The following MAML2 variants were observed in gnomAD, a reference collection of about 807,000 sequenced individuals.
The protein encoded by MAML2 is mastermind like transcriptional coactivator 2.
MAML2 carries 22 observed loss-of-function variants against 96.1 expected under a neutral mutation model. That is an observed-to-expected ratio of 0.23 (90% confidence interval 0.16 to 0.33). The LOEUF (loss-of-function observed/expected upper bound fraction) is 0.33, where lower values mean the gene tolerates loss of function less well. Ranked by LOEUF, MAML2 falls within the 10% of genes least tolerant of loss-of-function variation. The pLI is 1.00. For synonymous variants in MAML2, 561 were observed against 521.3 expected, an observed-to-expected ratio of 1.08 and a Z score of -1.04; for missense variants, 1,367 against 1,392.4, an observed-to-expected ratio of 0.98 and a Z score of 0.29.
chr11:96,173,652 A>T (rs16923175), intron 1 of MAML2, among the ~76,000 whole-genome samples: 2,728 of 152,330 alleles, frequency 0.018, 93 homozygotes, highest in African/African-American at 0.061. Flanking sequence ...CATGCAAGCC[A>T]CAGGAGACAG....
intron 1 of MAML2, among the ~76,000 whole-genome samples, chr11:96,299,081 A>ATATATATATATAT (rs1487119307): frequency 7.3e-5 from 10 of 136,334 alleles, no homozygotes; most frequent in Non-Finnish European, 1.2e-4. Context: ...ATATATATAT[A>ATATATATATATAT]AAATTTCACC....
intron 2 of MAML2, among the ~76,000 whole-genome samples, chr11:96,035,686 G>T (rs1241144139): frequency 6.6e-6 from 1 of 152,132 alleles, no homozygotes; most frequent in East Asian, 1.9e-4. Flanking sequence ...CCATTTTTTG[G>T]TATTCTCCCA....
chr11:96,117,121 CCAAGGGA>C (rs1388538999), intron 1 of MAML2, among the ~76,000 whole-genome samples: 1 of 151,738 alleles, frequency 6.6e-6, no homozygotes, highest in Non-Finnish European at 1.5e-5. Context: ...GGAGGGCATC[CCAAGGGA>C]AGTGAATCTA....
chr11:96,211,668 A>G (rs1861974085), intron 1 of MAML2, among the ~76,000 whole-genome samples: 1 of 152,180 alleles, frequency 6.6e-6, no homozygotes, highest in Non-Finnish European at 1.5e-5. Context: ...AAATGTGACA[A>G]GTTTATTGTA....
chr11:96,237,272 G>A (rs568054797), intron 1 of MAML2, among the ~76,000 whole-genome samples: 113 of 152,142 alleles, frequency 7.4e-4, no homozygotes, highest in African/African-American at 2.6e-3. Flanking sequence ...CTTCTCTCTC[G>A]CCCTCACAAA....
chr11:96,057,346 G>A (rs777105202), intron 2 of MAML2, among the ~76,000 whole-genome samples: 10 of 152,084 alleles, frequency 6.6e-5, no homozygotes, highest in African/African-American at 9.7e-5. Flanking sequence ...TGCAACTTAA[G>A]CCAAAATAAC....
At position 96,107,739 on chromosome 11, in the gene MAML2, A is replaced by G. The variant is rs544395679; in HGVS notation, c.514-14222T>C. The stretch of plus-strand genomic sequence containing the variant: ...AGGTTGCGTTGATCACCGGTGGCCA[A>G]TGATTTAATCAACCACGTCTATGTA... On this transcript the variant is annotated intron_variant, in intron 1 of 4. Coordinates refer to ENST00000524717, the MANE Select transcript of MAML2 (RefSeq NM_032427.4). Among the ~76,000 whole-genome samples the G allele has an allele frequency of 2.4e-4, 36 of 152,240 alleles. No individual in the cohort carries two copies. In the South Asian group the frequency reaches 5.2e-3, roughly 22 times the overall value.
intron 2 of MAML2, among the ~76,000 whole-genome samples, chr11:96,004,189 T>C (rs1858141648): frequency 1.3e-5 from 2 of 152,172 alleles, no homozygotes; most frequent in African/African-American, 2.4e-5. Flanking sequence ...GAAAGTATTA[T>C]GGTTTTGGGT....
chr11:95,981,272 C>G (rs1857731734), intron 4 of MAML2, among the ~76,000 whole-genome samples: 1 of 152,182 alleles, frequency 6.6e-6, no homozygotes, highest in Admixed American at 6.5e-5. Context: ...GAACAAGTGC[C>G]TAAGCCACAG....
Position 96,306,926 on chromosome 11 carries a change from G to A in MAML2, c.513+34457C>T, listed in dbSNP as rs547996950. 3.9e-5 allele frequency among the ~76,000 whole-genome samples: 6 copies of A among 152,284 alleles called. No individual in the cohort carries two copies. In the East Asian group the frequency reaches 1.2e-3, roughly 29 times the overall value. On this transcript the variant is annotated intron_variant, in intron 1 of 4. Transcript: ENST00000524717. Reference sequence around the variant, plus strand: ...GAGCAAACCCAGAGACTACCAAAATGTTAGGTTTGTTTATCATTTCCAAGT... The same window carrying A: ...GAGCAAACCCAGAGACTACCAAAATATTAGGTTTGTTTATCATTTCCAAGT...
chr11:96,213,077 C>T (rs569618620), intron 1 of MAML2, among the ~76,000 whole-genome samples: 1 of 152,166 alleles, frequency 6.6e-6, no homozygotes, highest in Non-Finnish European at 1.5e-5. Flanking sequence ...CTATTTTTAG[C>T]CTATTTTACA....
intron 3 of MAML2, among the ~76,000 whole-genome samples, chr11:95,989,517 G>A (rs1259550300): frequency 6.6e-6 from 1 of 152,158 alleles, no homozygotes; most frequent in African/African-American, 2.4e-5. Context: ...ATCAACCTCT[G>A]TGTGTTATAA....
intron 1 of MAML2, among the ~76,000 whole-genome samples, chr11:96,276,816 C>CAAAA (rs67291067): frequency 7.6e-5 from 6 of 78,636 alleles, no homozygotes; most frequent in Admixed American, 1.5e-4. Context: ...TTCTCAGACC[C>CAAAA]AAAAAAAAAA....
rs761120695 is a variant in MAML2, at chr11:95,979,209, A to T, written c.3210T>A (p.Asn1070Lys). 6.2e-7 allele frequency: 1 copy of T among 1,613,976 alleles called. No homozygotes were observed. Among genetic ancestry groups the T allele is most frequent in the Non-Finnish European group, 8.5e-7 (1 of 1,179,886 alleles). ...GCTGGTTGATGCCCGTCCTCGACTG[A>T]TTCAACCCTGTTCCTGACTGATTCA... Reference protein sequence around the residue: ...PNLNQSGTGLNQSRTGINQPP... With the variant: ...PNLNQSGTGLKQSRTGINQPP... Residue 1070 changes from asparagine (N) to lysine (K), a missense_variant, in exon 5 of 5, where the codon AAT becomes AAA. Coordinates refer to ENST00000524717, the MANE Select transcript of MAML2 (RefSeq NM_032427.4).
At chr11:95,999,577 A>G (rs1858050005) in intron 2 of MAML2, among the ~76,000 whole-genome samples, 1 of 148,764 alleles carries the variant, frequency 6.7e-6, no homozygotes, top group African/African-American at 2.5e-5. Context: ...TCTTAATTAA[A>G]AAAAAAAAAA....
intron 2 of MAML2, among the ~76,000 whole-genome samples, chr11:96,065,398 C>T (rs1164143328): frequency 4.3e-5 from 6 of 139,914 alleles, no homozygotes; most frequent in Admixed American, 1.5e-4. Flanking sequence ...CTCTCTAGTG[C>T]ACATGCGTGC....
chr11:96,339,400 A>G (rs1478866499), intron 1 of MAML2, among the ~76,000 whole-genome samples: 1 of 152,222 alleles, frequency 6.6e-6, no homozygotes, highest in African/African-American at 2.4e-5. Flanking sequence ...CACCCTAGAA[A>G]AAAAAGGCTG....
At chr11:96,101,643 C>A (rs915528160) in intron 1 of MAML2, among the ~76,000 whole-genome samples, 1 of 152,190 alleles carries the variant, frequency 6.6e-6, no homozygotes, top group Non-Finnish European at 1.5e-5. Context: ...CTTAGCAACA[C>A]ACATGTAAAG....
chr11:96,014,109 G>T (rs762780432), intron 2 of MAML2, among the ~76,000 whole-genome samples: 1 of 152,164 alleles, frequency 6.6e-6, no homozygotes, highest in Non-Finnish European at 1.5e-5. Context: ...TTTGATCAGC[G>T]GGGCACTGAT....
Sources: gnomAD v4.1 joint callset for allele counts (sites outside exome capture counted in the v4.1 genomes callset) on GRCh38, gnomAD v4.1.1 for gene constraint, MANE v1.5 for transcripts, NCBI Gene and HGNC (gene_info 2026-07-23, HGNC 2026-07-21) for gene names.